Variants in NEDD9 observed in about 807,000 individuals in gnomAD.
NEDD9 encodes the protein enhancer of filamentation 1.
Under a neutral mutation model 76.6 loss-of-function variants are expected in NEDD9, and 26 were observed. The ratio of observed to expected loss-of-function variants is 0.34; its 90% confidence interval spans 0.25 to 0.47. NEDD9 has a LOEUF of 0.47. NEDD9 is among the 20% of genes least tolerant of loss of function. The pLI is 1.00. For missense variants in NEDD9, 937 were observed against 1,058.5 expected (o/e 0.89, Z 1.59); for synonymous variants, 392 against 414.2 (o/e 0.95, Z 0.65).
intron 3 of NEDD9, among the ~76,000 whole-genome samples, chr6:11,256,836 G>A (rs556507468): frequency 5.3e-4 from 81 of 152,324 alleles, no homozygotes; most frequent in African/African-American, 1.8e-3. Context: ...ATCAGTAGAT[G>A]TGAATTGATT....
At chr6:11,378,262 T>G (rs1763000662) in intron 1 of NEDD9, among the ~76,000 whole-genome samples, 1 of 152,056 alleles carries the variant, frequency 6.6e-6, no homozygotes, top group Admixed American at 6.6e-5. Flanking sequence ...ATCTGATTGT[T>G]TAAAAGAGTG....
chr6:11,259,971 C>CT (rs1561808994), intron 3 of NEDD9, among the ~76,000 whole-genome samples: 2 of 150,132 alleles, frequency 1.3e-5, no homozygotes, highest in East Asian at 1.9e-4. Context: ...GACACACACC[C>CT]CACCACAGAA....
chr6:11,214,563 G>T (rs1003952872), intron 1 of NEDD9, among the ~76,000 whole-genome samples: 2 of 152,188 alleles, frequency 1.3e-5, no homozygotes, highest in African/African-American at 4.8e-5. Context: ...TTGTATGAAG[G>T]CCTGTCTGGC....
intron 3 of NEDD9, among the ~76,000 whole-genome samples, chr6:11,286,007 T>A (rs961044226): frequency 6.6e-6 from 1 of 152,124 alleles, no homozygotes; most frequent in Non-Finnish European, 1.5e-5. Flanking sequence ...TTCATAAAAA[T>A]TAAAAACACC....
intron 1 of NEDD9, among the ~76,000 whole-genome samples, chr6:11,338,023 G>A (rs920738769): frequency 6.6e-6 from 1 of 152,094 alleles, no homozygotes; most frequent in Non-Finnish European, 1.5e-5. Context: ...AGTGTCCCTT[G>A]GTGTCATGAG....
intron 2 of NEDD9, among the ~76,000 whole-genome samples, chr6:11,208,124 G>C (rs10807059): frequency 0.2 from 30,615 of 150,596 alleles, 3,401 homozygotes; most frequent in African/African-American, 0.26. Context: ...GTTGCAGTGA[G>C]CCGAGATGGC....
chr6:11,287,972 G>A (rs1723274774), intron 3 of NEDD9, among the ~76,000 whole-genome samples: 1 of 152,202 alleles, frequency 6.6e-6, no homozygotes, highest in Non-Finnish European at 1.5e-5. Context: ...GCTGTCTATG[G>A]TGGGGTCCCG....
Position 11,185,542 on chromosome 6 carries a change from A to G in NEDD9, c.2125T>C (p.Cys709Arg). The G allele has an allele frequency of 6.2e-7, 1 of 1,614,236 alleles. No homozygotes were observed. The highest frequency in any genetic ancestry group is 8.5e-7 in the Non-Finnish European group (1 of 1,180,036). ...GTCTCACATTGGTCATAGTAGAAGCACAGCAACTGCCGATCCTGAGCACTC... is the reference window on the plus strand; with the variant it reads ...GTCTCACATTGGTCATAGTAGAAGCGCAGCAACTGCCGATCCTGAGCACTC... ...GVSAQDRQLL[C>R]FYYDQCETHF... Residue 709 changes from cysteine (C) to arginine (R), a missense_variant, in exon 7 of 7, where the codon TGC becomes CGC. Transcript: ENST00000379446.
chr6:11,357,457 C>T (rs899492009), intron 1 of NEDD9, among the ~76,000 whole-genome samples: 1 of 152,168 alleles, frequency 6.6e-6, no homozygotes, highest in Admixed American at 6.5e-5. Flanking sequence ...GCTAGGCACA[C>T]CCCAAATAAA....
chr6:11,224,790 T>C (rs1759256592), intron 1 of NEDD9, among the ~76,000 whole-genome samples: 1 of 152,116 alleles, frequency 6.6e-6, no homozygotes, highest in Non-Finnish European at 1.5e-5. Flanking sequence ...AAAGCCCAGC[T>C]CATTCTTAAA....
intron 2 of NEDD9, among the ~76,000 whole-genome samples, chr6:11,197,163 T>G (rs897213204): frequency 1.3e-5 from 2 of 152,166 alleles, no homozygotes; most frequent in Non-Finnish European, 2.9e-5. Context: ...GGTGAGGCAT[T>G]AAAGGAATTG....
intron 1 of NEDD9, among the ~76,000 whole-genome samples, chr6:11,360,115 A>G (rs903208426): frequency 4.6e-5 from 7 of 152,178 alleles, no homozygotes; most frequent in Admixed American, 4.6e-4. Flanking sequence ...TCAGCTCCCA[A>G]ATCTGTGGTT....
intron 1 of NEDD9, among the ~76,000 whole-genome samples, chr6:11,344,419 G>A (rs1762328935): frequency 6.6e-6 from 1 of 152,134 alleles, no homozygotes. Context: ...GCATCCCATG[G>A]CAACACATTC....
At chr6:11,372,364 G>A (rs1229767775) in intron 1 of NEDD9, among the ~76,000 whole-genome samples, 1 of 152,186 alleles carries the variant, frequency 6.6e-6, no homozygotes, top group Non-Finnish European at 1.5e-5. Flanking sequence ...GTACTCCATT[G>A]TGTATATGTA....
chr6:11,314,147 G>T (rs889342141), intron 2 of NEDD9, among the ~76,000 whole-genome samples: 6 of 152,052 alleles, frequency 3.9e-5, no homozygotes, highest in Non-Finnish European at 7.4e-5. Flanking sequence ...TGAGATTTGG[G>T]GTTTAGAAGT....
At chr6:11,354,655 T>C (rs987088762) in intron 1 of NEDD9, among the ~76,000 whole-genome samples, 1 of 152,206 alleles carries the variant, frequency 6.6e-6, no homozygotes, top group Non-Finnish European at 1.5e-5. Context: ...CCTCTGCTTC[T>C]AGGAACCATC....
In NEDD9 at chr6:11,374,321, C is replaced by T. The variant is rs574928788; in HGVS notation, c.-214+7818G>A. On this transcript the variant is annotated intron_variant, in intron 1 of 3. Coordinates refer to the NEDD9 transcript ENST00000397378. ...AAAGAGCATTACTTCCTTAATGTTT[C>T]GACGATTATATGATGCAAAGCACCT... Among the ~76,000 whole-genome samples, 10 of 152,206 alleles carry T rather than the reference C, an allele frequency of 6.6e-5. No homozygotes were observed. In the East Asian group the frequency reaches 9.7e-4, roughly 15 times the overall value.
intron 1 of NEDD9, among the ~76,000 whole-genome samples, chr6:11,345,912 T>G (rs1416483850): frequency 1.3e-5 from 2 of 152,238 alleles, no homozygotes; most frequent in African/African-American, 4.8e-5. Flanking sequence ...GGCCTCCTGG[T>G]TGTTCCTCGA....
chr6:11,211,184 G>A (rs1758780332), intron 2 of NEDD9, among the ~76,000 whole-genome samples: 2 of 152,192 alleles, frequency 1.3e-5, no homozygotes, highest in African/African-American at 4.8e-5. Flanking sequence ...TGGAATGTGA[G>A]TGCCCGAGGG....
Sources: allele counts gnomAD v4.1 joint callset (sites outside exome capture counted in the v4.1 genomes callset), GRCh38; gene constraint gnomAD v4.1.1; transcripts MANE v1.5; gene names NCBI Gene and HGNC (gene_info 2026-07-23, HGNC 2026-07-21).